The following ZNF85 variants were observed in gnomAD, a reference collection of about 807,000 sequenced individuals.
ZNF85 encodes zinc finger protein 85.
In ZNF85, 50 loss-of-function variants were observed where a neutral mutation model predicts 53.9. The observed-to-expected ratio is 0.93, with a 90% CI of 0.74 to 1.17. The LOEUF is 1.17. Among genes scored for constraint, ZNF85 ranks in the 50% most tolerant of loss-of-function variants. The pLI, the probability that ZNF85 is intolerant of heterozygous loss-of-function variation, is 0.00. For missense variants in ZNF85, 747 were observed against 688.5 expected (o/e 1.08, Z -0.95); for synonymous variants, 225 against 226.1 (o/e 1.00, Z 0.04).
At chr19:20,934,233 T>C (rs1568548396) in intron 2 of ZNF85, 83 bp downstream of exon 2, 1 of 1,531,984 alleles carries the variant, frequency 6.5e-7, no homozygotes, top group Non-Finnish European at 8.8e-7. Context: ...TCTGGTAAAG[T>C]GTGCTTTGCA....
chr19:20,933,894 C>CAGAAA, intron 1 of ZNF85, 130 bp from the exon 2 acceptor site: 1 of 1,012,678 alleles, frequency 9.9e-7, no homozygotes, highest in Non-Finnish European at 1.4e-6. Flanking sequence ...GAAACAGTTA[C>CAGAAA]CTGTACTCTC....
At chr19:20,934,915 G>T in intron 2 of ZNF85, 34 bp from the exon 3 acceptor site, 1 of 1,484,220 alleles carries the variant, frequency 6.7e-7, no homozygotes, top group South Asian at 1.2e-5. Context: ...GAGAATATGA[G>T]CAAGATTTAT....
intron 3 of ZNF85, among the ~76,000 whole-genome samples, chr19:20,940,485 C>G (rs936015672): frequency 1.3e-5 from 2 of 151,974 alleles, no homozygotes; most frequent in Admixed American, 6.6e-5. Flanking sequence ...TATAGTCAAC[C>G]ATAATTGTGC....
At chr19:20,929,559 T>G (rs906069563) in intron 1 of ZNF85, among the ~76,000 whole-genome samples, 3 of 152,184 alleles carry the variant, frequency 2.0e-5, no homozygotes, top group Admixed American at 1.3e-4. Context: ...CCTTAAAATA[T>G]TTCTTTAAAT....
chr19:20,949,356 C>G lies in ZNF85; in HGVS notation c.842C>G (p.Thr281Ser). The change falls in exon 4 of 4, where the codon ACT becomes AGT. Residue 281 changes from threonine (T) to serine (S), a missense_variant. Thr to Ser is a moderately conservative substitution (Grantham distance 58). Coordinates refer to ENST00000328178, the MANE Select transcript of ZNF85 (RefSeq NM_003429.5). ...STLTTHKIIHTGEKPYKCKEC... is the reference protein window; with the variant it reads ...STLTTHKIIHSGEKPYKCKEC... ...CTTACTACCCATAAGATAATTCATA[C>G]TGGAGAGAAACCCTACAAATGTAAA... The G allele has an allele frequency of 3.1e-6, 5 of 1,609,428 alleles. No individual in the cohort carries two copies. The highest frequency in any genetic ancestry group is 4.2e-6 in the Non-Finnish European group (5 of 1,177,024).
At chr19:20,933,098 C>T (rs912599170) in intron 1 of ZNF85, among the ~76,000 whole-genome samples, 3 of 150,058 alleles carry the variant, frequency 2.0e-5, no homozygotes, top group Non-Finnish European at 2.9e-5. Context: ...GAGGCTGAGG[C>T]GGGAGAATGC....
chr19:20,930,580 G>A (rs531571174), intron 1 of ZNF85, among the ~76,000 whole-genome samples: 7 of 152,142 alleles, frequency 4.6e-5, no homozygotes, highest in Admixed American at 1.3e-4. Context: ...ATGAAATCAC[G>A]TAATGTGTTA....
intron 2 of ZNF85, among the ~76,000 whole-genome samples, 167 bp from the exon 3 acceptor site, chr19:20,934,782 C>CAAAA (rs57803900): frequency 2.0e-4 from 16 of 78,350 alleles, no homozygotes; most frequent in African/African-American, 7.5e-4. Context: ...GACTCCATCT[C>CAAAA]AAAAAAAAAA....
chr19:20,924,693 CAATT>C (rs1972839531), intron 1 of ZNF85, among the ~76,000 whole-genome samples: 1 of 152,158 alleles, frequency 6.6e-6, no homozygotes, highest in Non-Finnish European at 1.5e-5. Flanking sequence ...TTTTATATTT[CAATT>C]AATAATTCTT....
At chr19:20,945,404 A>G (rs1223011764) in intron 3 of ZNF85, 1 of 152,156 alleles carries the variant, frequency 6.6e-6, no homozygotes. Context: ...TATTTGGCAT[A>G]ATGTCATCAA....
intron 3 of ZNF85, among the ~76,000 whole-genome samples, chr19:20,936,169 G>GT (rs1973154004): frequency 3.0e-5 from 4 of 133,868 alleles, no homozygotes; most frequent in African/African-American, 8.3e-5. Context: ...TAATTTACTG[G>GT]GTGTATTTAT....
intron 1 of ZNF85, among the ~76,000 whole-genome samples, chr19:20,930,134 A>AAG (rs1186212302): frequency 6.6e-6 from 1 of 150,896 alleles, no homozygotes; most frequent in East Asian, 1.9e-4. Flanking sequence ...AAAAAAAAAA[A>AAG]AAAAAAAAGA....
At chr19:20,944,283 A>G (rs2144660664) in intron 3 of ZNF85, 1 of 151,248 alleles carries the variant, frequency 6.6e-6, no homozygotes, top group South Asian at 2.1e-4. Flanking sequence ...CTGATCTTCA[A>G]CTCCTAGTCT....
At position 20,949,385 on chromosome 19, in the gene ZNF85, TGTGGTAAA is replaced by T; in HGVS notation, c.873_880del (p.Gly292PhefsTer2). The T allele has an allele frequency of 6.2e-7, 1 of 1,609,540 alleles. No individual in the cohort carries two copies. Among genetic ancestry groups the T allele is most frequent in the South Asian group, 1.1e-5 (1 of 90,696 alleles). On this transcript the variant is annotated frameshift_variant, in exon 4 of 4. Transcript: ENST00000328178. LOFTEE classifies it high-confidence loss of function. ...AGAGAAACCCTACAAATGTAAAGAA[TGTGGTAAA>T]GCTTTTAACCGATCTTCAACCCTTA...
chr19:20,936,946 A>G (rs1599436132), intron 3 of ZNF85: 1 of 163,222 alleles, frequency 6.1e-6, no homozygotes, highest in Admixed American at 6.3e-5. Flanking sequence ...GATGAGCACA[A>G]TATAGTTTTG....
intron 1 of ZNF85, among the ~76,000 whole-genome samples, chr19:20,933,061 TGGGC>T (rs1973063387): frequency 6.6e-6 from 1 of 151,294 alleles, no homozygotes; most frequent in South Asian, 2.1e-4. Flanking sequence ...GGCATGGTGG[TGGGC>T]ACCTGTGGCC....
intron 1 of ZNF85, among the ~76,000 whole-genome samples, chr19:20,932,476 C>A (rs575403830): frequency 2.0e-5 from 3 of 152,256 alleles, no homozygotes; most frequent in Admixed American, 2.0e-4. Flanking sequence ...AATTTATAAT[C>A]TGCACTATTA....
At chr19:20,938,958 C>G (rs145063741) in intron 3 of ZNF85, among the ~76,000 whole-genome samples, 360 of 151,876 alleles carry the variant, frequency 2.4e-3, no homozygotes, top group Non-Finnish European at 4.0e-3. Flanking sequence ...GCAGCACTTT[C>G]ATTTTGTGTA....
chr19:20,940,701 T>C (rs1973275887), intron 3 of ZNF85, among the ~76,000 whole-genome samples: 4 of 152,222 alleles, frequency 2.6e-5, no homozygotes, highest in African/African-American at 7.2e-5. Context: ...CCTTCCACTT[T>C]CTGTTTTTAT....
Sources: gnomAD v4.1 joint callset for allele counts (sites outside exome capture counted in the v4.1 genomes callset) on GRCh38, gnomAD v4.1.1 for gene constraint, MANE v1.5 for transcripts, NCBI Gene and HGNC (gene_info 2026-07-23, HGNC 2026-07-21) for gene names.